Variants in LAMA2 observed in about 807,000 individuals in gnomAD.
The protein encoded by LAMA2 is laminin subunit alpha-2.
LAMA2 carries 269 observed loss-of-function variants against 364.8 expected under a neutral mutation model. The observed-to-expected ratio is 0.74, with a 90% CI of 0.67 to 0.82. LAMA2 has a LOEUF of 0.82. Among genes scored for constraint, LAMA2 ranks in the 40% least tolerant of loss-of-function variants. LAMA2 has a pLI of 0.00. For missense variants in LAMA2, 3,807 were observed against 3,873.2 expected, an observed-to-expected ratio of 0.98 and a Z score of 0.45; for synonymous variants, 1,379 against 1,370.6, an observed-to-expected ratio of 1.01 and a Z score of -0.14.
chr6:129,042,357 G>A (rs763884347), intron 1 of LAMA2, among the ~76,000 whole-genome samples: 103 of 152,024 alleles, frequency 6.8e-4, no homozygotes, highest in Non-Finnish European at 1.3e-3. Flanking sequence ...TGAGTAGGGA[G>A]GAGATATGTG....
At chr6:129,331,141 G>A (rs894735206) in intron 29 of LAMA2, among the ~76,000 whole-genome samples, 2 of 152,068 alleles carry the variant, frequency 1.3e-5, no homozygotes, top group African/African-American at 4.8e-5. Flanking sequence ...CTCCCAAAGT[G>A]CTGGGACTAC....
At chr6:129,197,246 C>G (rs1781904591) in intron 12 of LAMA2, among the ~76,000 whole-genome samples, 1 of 152,120 alleles carries the variant, frequency 6.6e-6, no homozygotes, top group Non-Finnish European at 1.5e-5. Context: ...AATCTCCTTC[C>G]CTTACTAAGT....
chr6:129,009,462 T>C (rs1784637162), intron 1 of LAMA2, among the ~76,000 whole-genome samples: 1 of 151,954 alleles, frequency 6.6e-6, no homozygotes, highest in Non-Finnish European at 1.5e-5. Flanking sequence ...ATTGTGAAAA[T>C]AGAAATTAGA....
At chr6:129,161,747 G>T (rs1446120199) in intron 8 of LAMA2, among the ~76,000 whole-genome samples, 1 of 152,098 alleles carries the variant, frequency 6.6e-6, no homozygotes, top group Non-Finnish European at 1.5e-5. Context: ...GAGAGAACAT[G>T]CAGTATCTGG....
At chr6:129,457,866 A>G (rs1425371850) in intron 48 of LAMA2, among the ~76,000 whole-genome samples, 1 of 152,126 alleles carries the variant, frequency 6.6e-6, no homozygotes, top group Non-Finnish European at 1.5e-5. Context: ...CTGTTCTCAC[A>G]TAGTAGAAAG....
At chr6:129,469,214 G>T (rs973599782) in intron 51 of LAMA2, among the ~76,000 whole-genome samples, 4 of 151,874 alleles carry the variant, frequency 2.6e-5, no homozygotes, top group Non-Finnish European at 5.9e-5. Context: ...ATGTGACAGG[G>T]TAATTTCAAT....
chr6:129,042,466 A>G (rs781618015), intron 1 of LAMA2, among the ~76,000 whole-genome samples: 1 of 152,162 alleles, frequency 6.6e-6, no homozygotes, highest in Non-Finnish European at 1.5e-5. Context: ...GATCATGAAT[A>G]TCATTAACTG....
At chr6:129,385,988 A>G (rs1459095818) in intron 35 of LAMA2, among the ~76,000 whole-genome samples, 1 of 152,090 alleles carries the variant, frequency 6.6e-6, no homozygotes, top group Non-Finnish European at 1.5e-5. Context: ...GTCTACTAAG[A>G]TGCTTAGTAG....
intron 16 of LAMA2, among the ~76,000 whole-genome samples, chr6:129,268,379 A>G (rs1562397219): frequency 6.6e-6 from 1 of 152,034 alleles, no homozygotes. Flanking sequence ...CACTTCACTA[A>G]CATGCAGTAG....
intron 29 of LAMA2, among the ~76,000 whole-genome samples, chr6:129,339,478 A>G (rs1451209443): frequency 1.3e-5 from 2 of 152,252 alleles, no homozygotes; most frequent in African/African-American, 4.8e-5. Context: ...TCTGGAACCC[A>G]TTAGAGATAT....
chr6:129,261,842 T>C (rs1277606360), intron 15 of LAMA2, among the ~76,000 whole-genome samples: 1 of 152,094 alleles, frequency 6.6e-6, no homozygotes, highest in East Asian at 1.9e-4. Context: ...TAGAAGTACT[T>C]GCTTTTCCAA....
rs1226250022 is a variant in LAMA2 at position 129,478,779 on chromosome 6, A to T, written c.7538A>T (p.Asp2513Val). The change falls in exon 54 of 65, where the codon GAT (aspartate) becomes GTT (valine). Residue 2513 changes from aspartate to valine, a missense_variant. Transcript: ENST00000421865. Reference protein sequence around the residue: ...RTPYNILSSPDYVGVTKGCSL... With the variant: ...RTPYNILSSPVYVGVTKGCSL... ...CCGTACAATATACTCAGTAGTCCCGATTATGTTGGTGTTACCAAAGGATGT... is the reference window on the plus strand; with the variant it reads ...CCGTACAATATACTCAGTAGTCCCGTTTATGTTGGTGTTACCAAAGGATGT... 2 of 1,613,114 alleles carry T rather than the reference A, an allele frequency of 1.2e-6. No homozygotes were observed. The highest frequency in any genetic ancestry group is 4.5e-5 in the East Asian group (2 of 44,866).
At chr6:129,413,687 A>G (rs895574170) in intron 40 of LAMA2, among the ~76,000 whole-genome samples, 2 of 152,190 alleles carry the variant, frequency 1.3e-5, no homozygotes, top group Non-Finnish European at 2.9e-5. Context: ...AGAAAAAAAC[A>G]CAGTTTAAAT....
At chr6:129,270,552 T>C in intron 16 of LAMA2, 72 bp from the exon 17 acceptor site, 2 of 1,517,238 alleles carry the variant, frequency 1.3e-6, no homozygotes, top group African/African-American at 1.4e-5. Flanking sequence ...AATGACTTCG[T>C]AGACCTATTT....
chr6:128,993,092 A>G (rs990313554), intron 1 of LAMA2, among the ~76,000 whole-genome samples: 4 of 152,192 alleles, frequency 2.6e-5, no homozygotes, highest in African/African-American at 9.7e-5. Flanking sequence ...GATCTTTCTG[A>G]GGATGAAATC....
chr6:129,052,386 G>A (rs1192844320), intron 2 of LAMA2, among the ~76,000 whole-genome samples: 1 of 150,288 alleles, frequency 6.7e-6, no homozygotes, highest in Non-Finnish European at 1.5e-5. Flanking sequence ...CTGATCTCGT[G>A]ATATGCCCGC....
chr6:129,226,487 G>T lies in LAMA2; in HGVS notation c.1783-23625G>T, dbSNP rs1338117953. Among the ~76,000 whole-genome samples, 3 of 152,136 alleles carry T rather than the reference G, an allele frequency of 2.0e-5. 1 individual carries two copies. The highest frequency in any genetic ancestry group is 4.4e-5 in the Non-Finnish European group (3 of 68,018). On this transcript the variant is annotated intron_variant, in intron 12 of 64. Transcript: ENST00000421865. The stretch of plus-strand genomic sequence containing the variant: ...GCTGGTACTGGTTGTTCCTTTCCAT[G>T]TTTAGCACTTCCTTCAGGAGCTCTT...
chr6:129,348,339 C>A (rs2114582461), intron 30 of LAMA2, among the ~76,000 whole-genome samples: 1 of 152,210 alleles, frequency 6.6e-6, no homozygotes, highest in East Asian at 1.9e-4. Flanking sequence ...GCCTATACAC[C>A]TTATTGCCTG....
At position 129,512,323 on chromosome 6, in the gene LAMA2, A is replaced by G. The variant is rs1485309196; in HGVS notation, c.8858-40A>G. On this transcript the variant is annotated intron_variant, in intron 62 of 64. Transcript: ENST00000421865. ...GTACACGTTTGAATTAACAATCCCC[A>G]TCCTCTAATCCAAAATATTTTAAAA... 8 of 1,599,620 alleles carry G rather than the reference A, an allele frequency of 5.0e-6. No homozygotes were observed. In the African/African-American group the frequency reaches 9.4e-5, roughly 19 times the overall value.
Sources: allele counts gnomAD v4.1 joint callset (sites outside exome capture counted in the v4.1 genomes callset), GRCh38; gene constraint gnomAD v4.1.1; transcripts MANE v1.5; gene names NCBI Gene and HGNC (gene_info 2026-07-23, HGNC 2026-07-21).